CELF5: variants seen among roughly 807,000 people sequenced by gnomAD.
CELF5 encodes the protein CUGBP Elav-like family member 5.
Under a neutral mutation model 54.9 loss-of-function variants are expected in CELF5, and 6 were observed. The ratio of observed to expected loss-of-function variants is 0.11; its 90% CI spans 0.06 to 0.22. CELF5 has a LOEUF of 0.22. Ranked by LOEUF, CELF5 falls within the 10% of genes least tolerant of loss-of-function variation. The probability of loss-of-function intolerance (pLI) is 1.00; values close to 1 mark genes in which losing one functional copy is unlikely to be tolerated. For missense variants in CELF5, 401 were observed against 678.6 expected, an observed-to-expected ratio of 0.59 and a Z score of 4.54; for synonymous variants, 271 against 290.9, an observed-to-expected ratio of 0.93 and a Z score of 0.70.
rs561841272 is a variant in CELF5 at position 3,281,561 on chromosome 19, G to A, written c.750+216G>A. On this transcript the variant is annotated intron_variant, in intron 6 of 12. Transcript: ENST00000292672. The surrounding 1 kb of genome is among the most constrained non-coding windows in gnomAD (Gnocchi z 6.5). ...TCACAGTAACACCCAATCTTGGACC[G>A]AGCCCCAGAACCTGGCTATGCTCCA... Among the ~76,000 whole-genome samples, 13 of 152,200 alleles carry A rather than the reference G, an allele frequency of 8.5e-5. No homozygotes were observed. Among genetic ancestry groups the A allele is most frequent in the Non-Finnish European group, 5.9e-5 (4 of 68,010 alleles).
chr19:3,246,253 A>G (rs771934155), intron 1 of CELF5, among the ~76,000 whole-genome samples: 4 of 152,274 alleles, frequency 2.6e-5, no homozygotes, highest in Non-Finnish European at 4.4e-5. Flanking sequence ...AATCCCAGCT[A>G]CTTGGGAGGC....
chr19:3,247,939 A>G (rs537910440), intron 1 of CELF5, among the ~76,000 whole-genome samples: 28 of 151,344 alleles, frequency 1.9e-4, no homozygotes, highest in African/African-American at 6.5e-4. Context: ...TTTTTTTTGT[A>G]TTTTTAGTAA....
Position 3,278,621 on chromosome 19 carries a change from T to A in CELF5, c.603+511T>A, listed in dbSNP as rs879670053. ...GTGTGAGCGTGTGTGTGAGTATGCCTGGGCCACGGGGGAGGAAGCACATGT... is the reference window on the plus strand; with the variant it reads ...GTGTGAGCGTGTGTGTGAGTATGCCAGGGCCACGGGGGAGGAAGCACATGT... On this transcript the variant is annotated intron_variant, in intron 5 of 12. Coordinates refer to ENST00000292672, the MANE Select transcript of CELF5 (RefSeq NM_021938.4). This position sits in a 1 kb window ranked among gnomAD's most constrained non-coding sequence, Gnocchi z 4.5. 9.2e-5 allele frequency among the ~76,000 whole-genome samples: 14 copies of A among 151,776 alleles called. No individual in the cohort carries two copies. The highest frequency in any genetic ancestry group is 2.1e-4 in the Non-Finnish European group (14 of 67,958).
intron 2 of CELF5, among the ~76,000 whole-genome samples, chr19:3,254,654 T>C (rs2079696660): frequency 6.7e-6 from 1 of 148,748 alleles, no homozygotes; most frequent in Non-Finnish European, 1.5e-5. Context: ...ACATCTATTA[T>C]GCATCCCTCC....
chr19:3,252,083 T>G (rs1253950072), intron 2 of CELF5, among the ~76,000 whole-genome samples: 1 of 150,174 alleles, frequency 6.7e-6, no homozygotes, highest in Non-Finnish European at 1.5e-5. Flanking sequence ...GGTCTTGCTC[T>G]GTTACCCAGG....
intron 1 of CELF5, chr19:3,225,474 C>CCCCCCCCCCAAAAAAA: frequency 2.0e-6 from 1 of 512,656 alleles, no homozygotes; most frequent in Non-Finnish European, 2.5e-6. Flanking sequence ...CCTGCCCCCC[C>CCCCCCCCCCAAAAAAA]ACCCCCATTC....
At chr19:3,234,541 C>T (rs1472929037) in intron 1 of CELF5, among the ~76,000 whole-genome samples, 5 of 152,080 alleles carry the variant, frequency 3.3e-5, no homozygotes, top group East Asian at 1.9e-4. Context: ...TACCCCACAG[C>T]GCCCAGGGTG....
rs1343024556 is a variant in CELF5 at position 3,275,918 on chromosome 19, C to T, written c.457C>T (p.Leu153=). The T allele has an allele frequency of 6.2e-7, 1 of 1,612,296 alleles. No individual in the cohort carries two copies. Among genetic ancestry groups the T allele is most frequent in the South Asian group, 1.1e-5 (1 of 91,050 alleles). Reference sequence around the variant, plus strand: ...GCAGTCGGAGGAGGACGTGCTGCGGCTGTTCCAGCCCTTCGGGGTCATTGA... The same window carrying T: ...GCAGTCGGAGGAGGACGTGCTGCGGTTGTTCCAGCCCTTCGGGGTCATTGA... ...KQQSEEDVLR[L]FQPFGVIDEC... is the part of the protein sequence containing the mutation. Residue 153 remains leucine (L), a synonymous_variant, in exon 4 of 13, where the codon CTG becomes TTG. Transcript: ENST00000292672. The surrounding 1 kb of genome is among the most constrained non-coding windows in gnomAD (Gnocchi z 6.7).
At chr19:3,231,797 G>A (rs935673964) in intron 1 of CELF5, among the ~76,000 whole-genome samples, 66 of 150,424 alleles carry the variant, frequency 4.4e-4, no homozygotes, top group Non-Finnish European at 1.5e-4. Context: ...TGCATGGATG[G>A]ATGGATGGGT....
intron 10 of CELF5, 67 bp from the exon 11 acceptor site, chr19:3,290,164 C>G (rs1365096218): frequency 1.5e-6 from 2 of 1,299,992 alleles, no homozygotes; most frequent in Non-Finnish European, 2.2e-6. Context: ...CAGACCTGTG[C>G]CCCTCCCCCG....
At chr19:3,293,204 G>T in intron 11 of CELF5, 115 bp from the exon 12 acceptor site, 3 of 1,373,218 alleles carry the variant, frequency 2.2e-6, no homozygotes, top group Non-Finnish European at 3.0e-6. Flanking sequence ...GCCTGTGCAG[G>T]TGTGCACGCA....
At chr19:3,226,723 G>A (rs939828099) in intron 1 of CELF5, among the ~76,000 whole-genome samples, 26 of 151,994 alleles carry the variant, frequency 1.7e-4, no homozygotes, top group Admixed American at 1.2e-3. Context: ...CGGAGAGACA[G>A]GTGGGGGTGC....
Position 3,228,280 on chromosome 19 carries a change from G to T in CELF5, c.259+3282G>T, listed in dbSNP as rs972528720. 1.3e-5 allele frequency among the ~76,000 whole-genome samples: 2 copies of T among 152,088 alleles called. No homozygotes were observed. The highest frequency in any genetic ancestry group is 2.9e-5 in the Non-Finnish European group (2 of 68,022). ...ACAAGCCTGCTCCTGCCAGAACTCC[G>T]CATCCAGAGAGCGGGGACCTCCCCC... On this transcript the variant is annotated intron_variant, in intron 1 of 12. Transcript: ENST00000292672. The surrounding 1 kb of genome is among the most constrained non-coding windows in gnomAD (Gnocchi z 6.0).
At chr19:3,225,071 C>T in intron 1 of CELF5, 73 bp downstream of exon 1, 1 of 1,052,202 alleles carries the variant, frequency 9.5e-7, no homozygotes, top group East Asian at 3.2e-5. Context: ...TCTTCTCTCC[C>T]CCATCACCAT....
At position 3,275,005 on chromosome 19, in the gene CELF5, ACT is replaced by A. The variant is rs1171937184; in HGVS notation, c.395-842_395-841del. 1.4e-5 allele frequency among the ~76,000 whole-genome samples: 2 copies of A among 146,466 alleles called. No individual in the cohort carries two copies. Among genetic ancestry groups the A allele is most frequent in the African/African-American group, 2.5e-5 (1 of 39,404 alleles). On this transcript the variant is annotated intron_variant, in intron 3 of 12. Transcript: ENST00000292672. This position sits in a 1 kb window ranked among gnomAD's most constrained non-coding sequence, Gnocchi z 6.7. ...GTCTCTCACAGTCTCTTTCGCGCGC[ACT>A]CTCTCTCTGATCTGTCTCTCTCTCT...
intron 2 of CELF5, among the ~76,000 whole-genome samples, chr19:3,266,833 GC>G (rs1217432653): frequency 2.6e-5 from 4 of 152,184 alleles, no homozygotes; most frequent in Non-Finnish European, 5.9e-5. Context: ...CCCCCGGCCT[GC>G]CAGCCACGTC....
intron 12 of CELF5, chr19:3,293,726 G>T (rs549367702): frequency 5.9e-5 from 24 of 404,568 alleles, no homozygotes; most frequent in African/African-American, 4.2e-4. Context: ...CCAGGGCCCA[G>T]TGAGGTCGGT....
At chr19:3,288,047 G>C (rs540935845) in intron 10 of CELF5, among the ~76,000 whole-genome samples, 1 of 152,298 alleles carries the variant, frequency 6.6e-6, no homozygotes, top group Non-Finnish European at 1.5e-5. Flanking sequence ...CAGCACACTG[G>C]GGGAGCTGTG....
At chr19:3,296,537 A>C (rs1377688424) in intron 12 of CELF5, 1 of 151,562 alleles carries the variant, frequency 6.6e-6, no homozygotes, top group African/African-American at 2.4e-5. Context: ...AGAGTTTGAT[A>C]ATTGTTTCGA....
Sources: allele counts gnomAD v4.1 joint callset (sites outside exome capture counted in the v4.1 genomes callset), GRCh38; gene constraint gnomAD v4.1.1; non-coding constraint Gnocchi (gnomAD v3.1); transcripts MANE v1.5; gene names NCBI Gene and HGNC (gene_info 2026-07-23, HGNC 2026-07-21).